Variants in OCA2 observed in about 807,000 individuals in gnomAD.
OCA2 encodes the protein OCA2 melanosomal transmembrane protein, also known as P protein.
A neutral mutation model predicts 100.2 loss-of-function variants in OCA2; 77 were observed. That is an observed-to-expected ratio of 0.77 (90% CI 0.64 to 0.93). The LOEUF (loss-of-function observed/expected upper bound fraction) is 0.93, where lower values mean the gene tolerates loss of function less well. OCA2 is among the 40% of genes least tolerant of loss of function. The pLI, the probability that OCA2 is intolerant of heterozygous loss-of-function variation, is 0.00. For synonymous variants in OCA2, 432 were observed against 439.2 expected, an observed-to-expected ratio of 0.98 and a Z score of 0.21; for missense variants, 1,062 against 1,089.1, an observed-to-expected ratio of 0.98 and a Z score of 0.35.
chr15:27,904,848 T>C (rs1210538623), intron 19 of OCA2, among the ~76,000 whole-genome samples: 1 of 152,136 alleles, frequency 6.6e-6, no homozygotes. Flanking sequence ...TTGATTAACA[T>C]ACAGTGGTTC....
At chr15:27,993,472 A>C (rs1286933898) in intron 9 of OCA2, among the ~76,000 whole-genome samples, 1 of 152,190 alleles carries the variant, frequency 6.6e-6, no homozygotes, top group African/African-American at 2.4e-5. Context: ...ACTGCACTAC[A>C]TACCTCAAGG....
rs377517986 is a variant in OCA2, at chr15:27,845,026, C to T, written c.2365G>A (p.Ala789Thr). 6.2e-7 allele frequency: 1 copy of T among 1,613,798 alleles called. No homozygotes were observed. Among genetic ancestry groups the T allele is most frequent in the Non-Finnish European group, 8.5e-7 (1 of 1,179,918 alleles). Residue 789 changes from alanine to threonine, a missense_variant, in exon 23 of 24, where the codon GCA (alanine) becomes ACA (threonine). Physicochemically the swap from Ala to Thr is moderately conservative, Grantham distance 58. Transcript: ENST00000354638. ...GGNGTLIGAS[A>T]NVVCAGIAEQ... ...GCAATCCCTGCACACACGACGTTTG[C>T]CGACGCGCCAATCAGTGTCCCGTTA...
At chr15:28,096,315 C>T (rs1040495230) in intron 1 of OCA2, among the ~76,000 whole-genome samples, 2 of 151,936 alleles carry the variant, frequency 1.3e-5, no homozygotes, top group Non-Finnish European at 2.9e-5. Context: ...GTCGTGTCTC[C>T]GGGGGCGTGG....
At chr15:27,756,997 G>T (rs1309532379) in intron 23 of OCA2, among the ~76,000 whole-genome samples, 3 of 152,154 alleles carry the variant, frequency 2.0e-5, no homozygotes, top group Non-Finnish European at 4.4e-5. Context: ...CAATCACTCA[G>T]ACCCATCAGA....
chr15:27,983,914 C>G (rs2041255124), intron 13 of OCA2, among the ~76,000 whole-genome samples: 1 of 151,524 alleles, frequency 6.6e-6, no homozygotes, highest in Non-Finnish European at 1.5e-5. Flanking sequence ...CCTAGGCTCT[C>G]TTCTCACCCC....
At chr15:27,779,845 TTTTCTCTC>T (rs1271225730) in intron 23 of OCA2, among the ~76,000 whole-genome samples, 2 of 152,218 alleles carry the variant, frequency 1.3e-5, no homozygotes, top group Admixed American at 6.5e-5. Flanking sequence ...TTGTCCCTCT[TTTTCTCTC>T]TTGCCATCTT....
intron 23 of OCA2, among the ~76,000 whole-genome samples, chr15:27,780,907 C>T (rs566127468): frequency 4.4e-4 from 67 of 152,136 alleles, no homozygotes; most frequent in Admixed American, 1.0e-3. Context: ...TATCTCTCCA[C>T]GAAATTATGA....
the OCA2 span, among the ~76,000 whole-genome samples, chr15:27,749,244 G>C: frequency 1.3e-5 from 2 of 152,100 alleles, no homozygotes; most frequent in Admixed American, 1.3e-4. Context: ...TATCTGTAGG[G>C]GAAAATCAAT....
chr15:28,042,204 A>G (rs944345350), intron 2 of OCA2, among the ~76,000 whole-genome samples: 1 of 152,216 alleles, frequency 6.6e-6, no homozygotes, highest in African/African-American at 2.4e-5. Context: ...ACAGGGAAGG[A>G]TAGAAAATAG....
intron 23 of OCA2, among the ~76,000 whole-genome samples, chr15:27,802,415 A>G (rs1011305209): frequency 1.3e-5 from 2 of 152,164 alleles, no homozygotes; most frequent in Non-Finnish European, 2.9e-5. Flanking sequence ...ATCCCAATAA[A>G]ATCACAGCAA....
intron 2 of OCA2, among the ~76,000 whole-genome samples, chr15:28,059,116 T>G (rs1198697559): frequency 6.6e-6 from 1 of 152,194 alleles, no homozygotes; most frequent in Non-Finnish European, 1.5e-5. Context: ...CTGCACTTTC[T>G]GAAGATGTTT....
chr15:27,762,729 A>G (rs1264774036), intron 23 of OCA2, among the ~76,000 whole-genome samples: 2 of 152,164 alleles, frequency 1.3e-5, no homozygotes, highest in African/African-American at 4.8e-5. Context: ...TTCCTGCACT[A>G]AATCTCCCTT....
intron 3 of OCA2, among the ~76,000 whole-genome samples, chr15:28,028,396 T>C (rs959776636): frequency 1.3e-5 from 2 of 152,220 alleles, no homozygotes; most frequent in African/African-American, 4.8e-5. Context: ...TTTCACTGCA[T>C]GCACTCCAGT....
At chr15:27,767,108 G>C (rs190724650) in intron 23 of OCA2, among the ~76,000 whole-genome samples, 2 of 152,084 alleles carry the variant, frequency 1.3e-5, no homozygotes, top group African/African-American at 4.8e-5. Context: ...ACTTGCCTTT[G>C]GGCCCTGTAC....
chr15:27,975,759 T>C (rs1054970373), intron 14 of OCA2, among the ~76,000 whole-genome samples: 6 of 152,242 alleles, frequency 3.9e-5, no homozygotes, highest in African/African-American at 1.4e-4. Context: ...TTTGTCATTC[T>C]GGATACTCTG....
chr15:28,074,673 CAAAAAAAAAAAAA>C (rs1172821817), intron 2 of OCA2, among the ~76,000 whole-genome samples: 3 of 66,934 alleles, frequency 4.5e-5, no homozygotes, highest in Non-Finnish European at 7.1e-5. Context: ...GACTCCGTCT[CAAAAAAAAAAAAA>C]AAAAAAAAAA....
rs2033609856 is a variant in OCA2 at position 27,801,530 on chromosome 15, G to A, written c.2432+43429C>T. On this transcript the variant is annotated intron_variant, in intron 23 of 23. Transcript: ENST00000354638. ...TCATGCCACTGCACTTCAGCCTGGC[G>A]ACAGAGTGAGACTCGGTCTCAAAAA... Among the ~76,000 whole-genome samples, 4 of 119,562 alleles carry A rather than the reference G, an allele frequency of 3.3e-5. No individual in the cohort carries two copies. In the Admixed American group the frequency reaches 3.4e-4, roughly 10 times the overall value. The allele number at this position is 119,562 out of a possible 152,430, so 78.4% of individuals were successfully genotyped here.
chr15:28,014,549 TC>T lies in OCA2; in HGVS notation c.1044+226del, dbSNP rs576530038. Among the ~76,000 whole-genome samples the T allele has an allele frequency of 4.6e-4, 70 of 152,320 alleles. No homozygotes were observed. The South Asian group carries it at 5.6e-3, about 12-fold the overall frequency. On this transcript the variant is annotated intron_variant, in intron 9 of 23. Transcript: ENST00000354638. ...CACATTCTGTTTTCTCAGGTACACT[TC>T]TGCTCCTAAAGTCCATCCTTCTCAT...
intron 21 of OCA2, among the ~76,000 whole-genome samples, chr15:27,864,263 G>C (rs2036241063): frequency 6.6e-6 from 1 of 152,096 alleles, no homozygotes; most frequent in Non-Finnish European, 1.5e-5. Flanking sequence ...GGCAGAGTTG[G>C]GATTCAAGCC....
Sources: allele counts gnomAD v4.1 joint callset (sites outside exome capture counted in the v4.1 genomes callset), GRCh38; gene constraint gnomAD v4.1.1; transcripts MANE v1.5; gene names NCBI Gene and HGNC (gene_info 2026-07-23, HGNC 2026-07-21).